Variants in EXOC6B observed in about 807,000 individuals in gnomAD.
EXOC6B encodes the protein exocyst complex component 6B.
A neutral mutation model predicts 113.5 loss-of-function variants in EXOC6B; 54 were observed. The ratio of observed to expected loss-of-function variants is 0.48; its 90% CI spans 0.38 to 0.60. The LOEUF (loss-of-function observed/expected upper bound fraction) is 0.60. EXOC6B is among the 20% of genes least tolerant of loss of function. EXOC6B has a pLI of 0.00. For synonymous variants in EXOC6B, 357 were observed against 339.0 expected, an observed-to-expected ratio of 1.05 and a Z score of -0.58; for missense variants, 797 against 977.5, an observed-to-expected ratio of 0.82 and a Z score of 2.46.
At chr2:72,518,602 G>A (rs1483703279) in intron 8 of EXOC6B, among the ~76,000 whole-genome samples, 1 of 151,900 alleles carries the variant, frequency 6.6e-6, no homozygotes, top group African/African-American at 2.4e-5. Flanking sequence ...AGAAGAATAA[G>A]CCAGAAAGAG....
At position 72,551,260 on chromosome 2, in the gene EXOC6B, C is replaced by T. The variant is rs557567697; in HGVS notation, c.915+8193G>A. Among the ~76,000 whole-genome samples the T allele has an allele frequency of 2.7e-4, 41 of 152,130 alleles. No homozygotes were observed. In the East Asian group the frequency reaches 6.8e-3, roughly 25 times the overall value. ...TCACCCAGGCTGCAGTGCAGTGGCG[C>T]GATCTCGGCTCACTGCAACCTCCGC... is the stretch of plus-strand genomic sequence containing the variant. On this transcript the variant is annotated intron_variant, in intron 8 of 21. Transcript: ENST00000272427.
chr2:72,449,188 A>AT (rs202081228), intron 18 of EXOC6B, among the ~76,000 whole-genome samples: 1,758 of 147,728 alleles, frequency 0.012, 11 homozygotes, highest in African/African-American at 0.017. Context: ...AGCATTGTCA[A>AT]TTTTTTTTTT....
At chr2:72,398,797 A>G (rs894567789) in intron 18 of EXOC6B, among the ~76,000 whole-genome samples, 1 of 151,820 alleles carries the variant, frequency 6.6e-6, no homozygotes, top group Non-Finnish European at 1.5e-5. Context: ...TGATTACTAC[A>G]GCATTTGAAA....
intron 20 of EXOC6B, among the ~76,000 whole-genome samples, chr2:72,325,122 A>G (rs1688052983): frequency 6.6e-6 from 1 of 152,184 alleles, no homozygotes; most frequent in African/African-American, 2.4e-5. Context: ...TGTTATCCAG[A>G]AAGGCTTCAT....
At chr2:72,558,439 G>A (rs1428309671) in intron 8 of EXOC6B, among the ~76,000 whole-genome samples, 1 of 152,114 alleles carries the variant, frequency 6.6e-6, no homozygotes, top group African/African-American at 2.4e-5. Flanking sequence ...ATCCCAAATT[G>A]TCAGGAGTAA....
intron 20 of EXOC6B, among the ~76,000 whole-genome samples, chr2:72,195,478 T>C (rs1679112363): frequency 6.6e-6 from 1 of 152,156 alleles, no homozygotes; most frequent in Admixed American, 6.5e-5. Context: ...GCCACAGATG[T>C]TGTAGGAGAA....
At chr2:72,237,943 C>T (rs958367057) in intron 20 of EXOC6B, among the ~76,000 whole-genome samples, 11 of 151,922 alleles carry the variant, frequency 7.2e-5, no homozygotes, top group African/African-American at 2.7e-4. Flanking sequence ...CATATAATTC[C>T]CCCATTTAAA....
chr2:72,631,393 G>C (rs1372571489), intron 6 of EXOC6B, among the ~76,000 whole-genome samples: 1 of 140,182 alleles, frequency 7.1e-6, no homozygotes, highest in African/African-American at 2.7e-5. Context: ...GAGTGATATA[G>C]TAGTGTGTGT....
intron 17 of EXOC6B, among the ~76,000 whole-genome samples, chr2:72,477,076 C>A (rs962095984): frequency 6.6e-6 from 1 of 152,190 alleles, no homozygotes; most frequent in African/African-American, 2.4e-5. Flanking sequence ...ATCCTCACAT[C>A]TTTCCTCTAT....
At chr2:72,792,265 C>A (rs1217704017) in intron 1 of EXOC6B, among the ~76,000 whole-genome samples, 1 of 152,120 alleles carries the variant, frequency 6.6e-6, no homozygotes, top group African/African-American at 2.4e-5. Flanking sequence ...AACCGTGAAC[C>A]CTTTGTCTAG....
intron 1 of EXOC6B, among the ~76,000 whole-genome samples, chr2:72,762,050 C>T (rs946883706): frequency 6.6e-6 from 1 of 151,946 alleles, no homozygotes; most frequent in African/African-American, 2.4e-5. Context: ...TCAAGACCAT[C>T]CTAGCCAACA....
At chr2:72,687,512 C>T (rs901936160) in intron 6 of EXOC6B, among the ~76,000 whole-genome samples, 2 of 151,388 alleles carry the variant, frequency 1.3e-5, no homozygotes, top group African/African-American at 4.9e-5. Flanking sequence ...TCAACAGGTA[C>T]AGAAGAAAAA....
intron 8 of EXOC6B, among the ~76,000 whole-genome samples, chr2:72,528,011 C>G (rs1432180266): frequency 6.6e-6 from 1 of 151,962 alleles, no homozygotes; most frequent in African/African-American, 2.4e-5. Context: ...TTACCCTCAG[C>G]AGAGTCTTCT....
chr2:72,800,422 C>T (rs1010899643), intron 1 of EXOC6B, among the ~76,000 whole-genome samples: 5 of 151,972 alleles, frequency 3.3e-5, no homozygotes, highest in African/African-American at 1.2e-4. Context: ...GCCATTCTGC[C>T]TGTCATAAAA....
chr2:72,398,158 G>A (rs1189436118), intron 18 of EXOC6B, among the ~76,000 whole-genome samples: 1 of 152,166 alleles, frequency 6.6e-6, no homozygotes, highest in African/African-American at 2.4e-5. Context: ...TTAACTGAAT[G>A]CCTGACTACA....
Position 72,198,709 on chromosome 2 carries a change from C to T in EXOC6B, c.2197-14522G>A, listed in dbSNP as rs139614296. 3.3e-5 allele frequency among the ~76,000 whole-genome samples: 5 copies of T among 152,276 alleles called. No homozygotes were observed. The East Asian group carries it at 9.7e-4, about 29-fold the overall frequency. The stretch of plus-strand genomic sequence containing the variant: ...CTACTATGCCAAGAGCTCAGGTCTG[C>T]ACTGTTCCCCATAACTGTTCTCATT... On this transcript the variant is annotated intron_variant, in intron 20 of 21. Transcript: ENST00000272427.
chr2:72,737,472 T>C (rs1224996298), intron 2 of EXOC6B, among the ~76,000 whole-genome samples: 2 of 152,244 alleles, frequency 1.3e-5, no homozygotes, highest in African/African-American at 2.4e-5. Context: ...ATAGTGTCTA[T>C]GAGAAATTCA....
intron 6 of EXOC6B, among the ~76,000 whole-genome samples, chr2:72,703,941 C>A (rs987749154): frequency 1.3e-5 from 2 of 151,934 alleles, no homozygotes; most frequent in African/African-American, 2.4e-5. Flanking sequence ...ATTGCCCTGG[C>A]CAGAACTTCC....
intron 18 of EXOC6B, among the ~76,000 whole-genome samples, chr2:72,450,452 A>G (rs2105359503): frequency 6.6e-6 from 1 of 152,336 alleles, no homozygotes; most frequent in Non-Finnish European, 1.5e-5. Context: ...CTATCACATT[A>G]TTTTAAAAAG....
Sources: allele counts gnomAD v4.1 joint callset (sites outside exome capture counted in the v4.1 genomes callset), GRCh38; gene constraint gnomAD v4.1.1; transcripts MANE v1.5; gene names NCBI Gene and HGNC (gene_info 2026-07-23, HGNC 2026-07-21).